DPP6: variants seen among roughly 807,000 people sequenced by gnomAD.
DPP6 encodes dipeptidyl peptidase like 6, also known as A-type potassium channel modulatory protein DPP6.
DPP6 carries 69 observed loss-of-function variants against 122.6 expected under a neutral mutation model. The observed-to-expected ratio is 0.56, with a 90% CI of 0.46 to 0.69. DPP6 has a LOEUF of 0.69. Ranked by LOEUF, DPP6 falls within the 30% of genes least tolerant of loss-of-function variation. The probability of loss-of-function intolerance (pLI) is 0.00; values close to 1 mark genes in which losing one functional copy is unlikely to be tolerated. For missense variants in DPP6, 928 were observed against 1,116.9 expected (o/e 0.83, Z 2.41); for synonymous variants, 418 against 433.1 (o/e 0.97, Z 0.43).
At chr7:154,011,323 A>C (rs566717789) in intron 1 of DPP6, among the ~76,000 whole-genome samples, 1 of 152,276 alleles carries the variant, frequency 6.6e-6, no homozygotes, top group South Asian at 2.1e-4. Flanking sequence ...TGCTAATGAG[A>C]ATCTGTCCTT....
At chr7:154,043,485 C>G (rs1031457126) in intron 1 of DPP6, among the ~76,000 whole-genome samples, 1 of 140,192 alleles carries the variant, frequency 7.1e-6, no homozygotes, top group South Asian at 2.4e-4. Context: ...GTATACCACC[C>G]GAGGATCAGT....
At chr7:154,420,855 A>C (rs1396836567) in intron 1 of DPP6, among the ~76,000 whole-genome samples, 1 of 152,196 alleles carries the variant, frequency 6.6e-6, no homozygotes, top group Non-Finnish European at 1.5e-5. Flanking sequence ...AAAAATCATT[A>C]TGCAAAATGA....
In DPP6 at chr7:154,264,911, G is replaced by A. The variant is rs62650432; in HGVS notation, c.244-181303G>A. On this transcript the variant is annotated intron_variant, in intron 1 of 25. Transcript: ENST00000377770. ...AATGGTGATGATAATGATAGTGATA[G>A]TGATGATGGTGTTAATGATGTTAAT... Among the ~76,000 whole-genome samples the A allele has an allele frequency of 2.2e-5, 2 of 90,252 alleles. 1 individual carries two copies. The highest frequency in any genetic ancestry group is 6.6e-4 in the East Asian group (2 of 3,044). The allele number at this position is 90,252 out of a possible 152,430, so 59.2% of individuals were successfully genotyped here.
At chr7:154,287,431 A>G (rs1804928982) in intron 1 of DPP6, among the ~76,000 whole-genome samples, 1 of 152,238 alleles carries the variant, frequency 6.6e-6, no homozygotes, top group Non-Finnish European at 1.5e-5. Flanking sequence ...AGTGCAAAGC[A>G]TCTCCCAAGG....
chr7:154,655,353 A>T (rs978653577), intron 6 of DPP6, among the ~76,000 whole-genome samples: 1 of 152,242 alleles, frequency 6.6e-6, no homozygotes, highest in Non-Finnish European at 1.5e-5. Flanking sequence ...TTGCTCAAAT[A>T]AGCAAAATCA....
intron 1 of DPP6, among the ~76,000 whole-genome samples, chr7:154,387,942 C>CT (rs34081459): frequency 0.014 from 2,165 of 151,452 alleles, 27 homozygotes; most frequent in Non-Finnish European, 0.02. Flanking sequence ...GAATTGCCTA[C>CT]TTTTTTTTTT....
intron 19 of DPP6, among the ~76,000 whole-genome samples, chr7:154,874,683 C>G (rs2316535): frequency 0.58 from 88,902 of 152,060 alleles, 26,726 homozygotes; most frequent in African/African-American, 0.74. Flanking sequence ...GGAGAGTGCC[C>G]GTGGTCGAAG....
chr7:154,530,657 A>C lies in DPP6; in HGVS notation c.458-9875A>C, dbSNP rs147098735. Among the ~76,000 whole-genome samples the C allele has an allele frequency of 2.2e-4, 33 of 152,306 alleles. 1 individual carries two copies. In the East Asian group the frequency reaches 6.4e-3, roughly 29 times the overall value. On this transcript the variant is annotated intron_variant, in intron 3 of 25. Transcript: ENST00000377770. ...AATTACTGGGTATACACATGAAGGA[A>C]TATAAATATTTCTAGTATAAAGATA... is the stretch of plus-strand genomic sequence containing the variant.
At chr7:154,892,018 C>G (rs1192399427) in intron 25 of DPP6, among the ~76,000 whole-genome samples, 1 of 152,150 alleles carries the variant, frequency 6.6e-6, no homozygotes. Context: ...TCACCCAGTT[C>G]CCACTGAGCA....
chr7:154,065,929 A>G (rs1260908298), intron 1 of DPP6, among the ~76,000 whole-genome samples: 2 of 151,998 alleles, frequency 1.3e-5, no homozygotes, highest in Non-Finnish European at 2.9e-5. Context: ...CACTGGCCTT[A>G]AGCAGTCCCA....
intron 1 of DPP6, among the ~76,000 whole-genome samples, chr7:154,111,914 A>G (rs971156721): frequency 1.3e-5 from 2 of 152,198 alleles, no homozygotes; most frequent in Non-Finnish European, 2.9e-5. Context: ...TCCTTCACAG[A>G]TAAATGGTGA....
intron 8 of DPP6, among the ~76,000 whole-genome samples, chr7:154,757,678 A>G (rs962986429): frequency 2.6e-5 from 4 of 152,122 alleles, no homozygotes; most frequent in Admixed American, 6.5e-5. Context: ...CCTCTTATCT[A>G]TCCTCTGGAG....
intron 1 of DPP6, among the ~76,000 whole-genome samples, chr7:154,224,119 A>G (rs531963408): frequency 1.3e-5 from 2 of 148,826 alleles, no homozygotes; most frequent in African/African-American, 2.6e-5. Flanking sequence ...CTGGGAGGAC[A>G]CTGTGGCCCA....
At chr7:154,404,008 G>T (rs1276641597) in intron 1 of DPP6, among the ~76,000 whole-genome samples, 1 of 152,194 alleles carries the variant, frequency 6.6e-6, no homozygotes, top group African/African-American at 2.4e-5. Context: ...GGAGGATATT[G>T]TATGGATGTT....
chr7:154,100,221 T>TATTTATTTA (rs1342826898), intron 1 of DPP6, among the ~76,000 whole-genome samples: 3 of 106,798 alleles, frequency 2.8e-5, no homozygotes, highest in African/African-American at 1.2e-4. Flanking sequence ...TTATTTTATT[T>TATTTATTTA]TTTACCAGAA....
intron 8 of DPP6, among the ~76,000 whole-genome samples, chr7:154,758,373 A>T (rs1587049121): frequency 2.1e-5 from 3 of 143,664 alleles, no homozygotes; most frequent in African/African-American, 7.7e-5. Flanking sequence ...GGAAATACAG[A>T]TTTTTTTTTT....
intron 4 of DPP6, among the ~76,000 whole-genome samples, chr7:154,558,955 A>G (rs1427239031): frequency 6.6e-6 from 1 of 152,350 alleles, no homozygotes; most frequent in South Asian, 2.1e-4. Context: ...CCTAAATTCA[A>G]CAAGAGAGAA....
chr7:154,224,776 A>C (rs1301388553), intron 1 of DPP6, among the ~76,000 whole-genome samples: 1 of 149,500 alleles, frequency 6.7e-6, no homozygotes, highest in Non-Finnish European at 1.5e-5. Context: ...TAACATCAGC[A>C]ACACAATTTG....
chr7:154,450,988 G>A (rs1221685650), intron 2 of DPP6, among the ~76,000 whole-genome samples: 1 of 152,084 alleles, frequency 6.6e-6, no homozygotes, highest in African/African-American at 2.4e-5. Flanking sequence ...GGTGTCTAGG[G>A]GTTTGCAGTT....
Sources: allele counts gnomAD v4.1 joint callset (sites outside exome capture counted in the v4.1 genomes callset), GRCh38; gene constraint gnomAD v4.1.1; transcripts MANE v1.5; gene names NCBI Gene and HGNC (gene_info 2026-07-23, HGNC 2026-07-21).